The following PGAP2 variants were observed in gnomAD, a reference collection of about 807,000 sequenced individuals.
PGAP2 encodes acyltransferase PGAP2.
Under a neutral mutation model 33.2 loss-of-function variants are expected in PGAP2, and 21 were observed. That is an observed-to-expected ratio of 0.63 (90% CI 0.45 to 0.91). The LOEUF (loss-of-function observed/expected upper bound fraction) is 0.91. PGAP2 is among the 40% of genes least tolerant of loss of function. The pLI is 0.00. For synonymous variants in PGAP2, 161 were observed against 172.9 expected (o/e 0.93, Z 0.54); for missense variants, 345 against 424.0 (o/e 0.81, Z 1.64).
At chr11:3,799,660 GATTT>G (rs1350987490) in intron 1 of PGAP2, among the ~76,000 whole-genome samples, 1 of 151,998 alleles carries the variant, frequency 6.6e-6, no homozygotes, top group Non-Finnish European at 1.5e-5. Flanking sequence ...AGAGATAATT[GATTT>G]ATTTGTTTGT....
intron 2 of PGAP2, among the ~76,000 whole-genome samples, chr11:3,814,929 T>TC (rs748180746): frequency 2.0e-5 from 3 of 150,080 alleles, no homozygotes; most frequent in Admixed American, 1.3e-4. Context: ...CCTTTCCCTT[T>TC]CCTTTCCTTT....
chr11:3,822,609 A>G (rs1326681004), intron 3 of PGAP2, among the ~76,000 whole-genome samples: 1 of 152,322 alleles, frequency 6.6e-6, no homozygotes, highest in Non-Finnish European at 1.5e-5. Flanking sequence ...ACTCCAGCCT[A>G]GGCGACAGAG....
Position 3,798,117 on chromosome 11 carries a change from A to T in PGAP2, c.139+135A>T, listed in dbSNP as rs929436151. 1.3e-4 allele frequency: 184 copies of T among 1,465,174 alleles called. No homozygotes were observed. In the African/African-American group the frequency reaches 2.5e-3, roughly 20 times the overall value. The allele number at this position is 1,465,174 out of a possible 1,614,324, so 90.8% of individuals were successfully genotyped here. On this transcript the variant is annotated intron_variant, in intron 1 of 6. Coordinates refer to the PGAP2 transcript ENST00000300730. Reference sequence around the variant, plus strand: ...TCTTGGAAGGTCTGTCTGTCCAAAGAGTTTGCCCGAGGCTTCTTCAGGGCC... The same window carrying T: ...TCTTGGAAGGTCTGTCTGTCCAAAGTGTTTGCCCGAGGCTTCTTCAGGGCC...
upstream of PGAP2, among the ~76,000 whole-genome samples, chr11:3,807,668 A>C (rs2084664315): frequency 6.6e-6 from 1 of 152,096 alleles, no homozygotes; most frequent in Admixed American, 6.6e-5. Context: ...CCTGGGATAT[A>C]CTGGGTGTTC....
chr11:3,818,949 A>G (rs2087816163), intron 3 of PGAP2, among the ~76,000 whole-genome samples: 1 of 152,196 alleles, frequency 6.6e-6, no homozygotes, highest in Admixed American at 6.5e-5. Context: ...CTCTTTGTGA[A>G]TGCCAGGCCG....
intron 3 of PGAP2, among the ~76,000 whole-genome samples, chr11:3,820,159 C>A (rs2088188836): frequency 6.6e-6 from 1 of 152,134 alleles, no homozygotes. Context: ...GAAGCAGAGG[C>A]AATGCTCTGA....
chr11:3,820,573 T>C (rs1400178682), intron 3 of PGAP2, among the ~76,000 whole-genome samples: 1 of 152,070 alleles, frequency 6.6e-6, no homozygotes, highest in Non-Finnish European at 1.5e-5. Context: ...GGCAGGAGAA[T>C]TGCTTGAACC....
Position 3,825,467 on chromosome 11 carries a change from G to T in PGAP2, c.*9G>T, listed in dbSNP as rs377704337. 52 of 1,611,406 alleles carry T rather than the reference G, an allele frequency of 3.2e-5. No homozygotes were observed. Among genetic ancestry groups the T allele is most frequent in the Non-Finnish European group, 4.0e-5 (47 of 1,179,450 alleles). On this transcript the variant is annotated 3_prime_UTR_variant, in exon 7 of 7. Transcript: ENST00000278243. Reference sequence around the variant, plus strand: ...AGGAAAAGCGATTCTGAACCCTTCAGTCCTGCTTGGGAGGACGCAGCCCAC... The same window carrying T: ...AGGAAAAGCGATTCTGAACCCTTCATTCCTGCTTGGGAGGACGCAGCCCAC...
At chr11:3,822,382 A>G (rs992186097) in intron 3 of PGAP2, among the ~76,000 whole-genome samples, 1 of 151,770 alleles carries the variant, frequency 6.6e-6, no homozygotes, top group Non-Finnish European at 1.5e-5. Flanking sequence ...AAAAAAAAGC[A>G]GATTCTGGCC....
chr11:3,799,718 C>T (rs1044337877), intron 1 of PGAP2, among the ~76,000 whole-genome samples: 3 of 152,052 alleles, frequency 2.0e-5, no homozygotes, highest in African/African-American at 7.2e-5. Flanking sequence ...GCCTGTAATC[C>T]CAGCACTGGG....
At chr11:3,807,963 A>C, upstream of PGAP2, 1 of 1,011,306 alleles carries the variant, frequency 9.9e-7, no homozygotes, top group Non-Finnish European at 1.3e-6. Context: ...GGGAGACCCA[A>C]GGCTGGTGGC....
At chr11:3,821,313 G>A (rs992585780) in intron 3 of PGAP2, among the ~76,000 whole-genome samples, 4 of 152,238 alleles carry the variant, frequency 2.6e-5, no homozygotes, top group African/African-American at 9.7e-5. Context: ...CTCCACTTCC[G>A]AAGACTGTCC....
intron 1 of PGAP2, among the ~76,000 whole-genome samples, chr11:3,800,225 C>T (rs1192704026): frequency 6.6e-6 from 1 of 152,180 alleles, no homozygotes; most frequent in South Asian, 2.1e-4. Flanking sequence ...TAGATAGTTA[C>T]AGTAGCTTCA....
chr11:3,814,905 GCCCTTT>G lies in PGAP2; in HGVS notation c.166-2427_166-2422del, dbSNP rs369558503. On this transcript the variant is annotated intron_variant, in intron 2 of 6. Transcript: ENST00000278243. Reference sequence around the variant, plus strand: ...CTTTCCTTCCCTTTCCCTTTCCCTTGCCCTTTCCCTTTCCCTTTCCCTTTCCTTTCC... The same window carrying G: ...CTTTCCTTCCCTTTCCCTTTCCCTTGCCCTTTCCCTTTCCCTTTCCTTTCC... 2.6e-3 allele frequency among the ~76,000 whole-genome samples: 302 copies of G among 118,134 alleles called. 2 individuals are homozygous for G. Among genetic ancestry groups the G allele is most frequent in the Middle Eastern group, 0.013 (2 of 160 alleles). The allele number at this position is 118,134 out of a possible 152,430, so 77.5% of individuals were successfully genotyped here.
chr11:3,824,144 C>T lies in PGAP2; in HGVS notation c.601+9C>T. 1.2e-6 allele frequency: 2 copies of T among 1,613,856 alleles called. No homozygotes were observed. The highest frequency in any genetic ancestry group is 1.7e-6 in the Non-Finnish European group (2 of 1,179,814). ...CTCCTCCGAGGACTTCAGTGGGTGCCTGGATGAGGGAGGAGTGGGGAAGTG... is the reference window on the plus strand; with the variant it reads ...CTCCTCCGAGGACTTCAGTGGGTGCTTGGATGAGGGAGGAGTGGGGAAGTG... On this transcript the variant is annotated intron_variant, in intron 4 of 6. Coordinates refer to ENST00000278243, the MANE Select transcript of PGAP2 (RefSeq NM_014489.4).
At chr11:3,819,764 A>G (rs1441821661) in intron 3 of PGAP2, among the ~76,000 whole-genome samples, 1 of 152,072 alleles carries the variant, frequency 6.6e-6, no homozygotes, top group Non-Finnish European at 1.5e-5. Context: ...TTGCTGGTGC[A>G]GTCGATGAGT....
chr11:3,810,782 G>C (rs1013927036), intron 1 of PGAP2, among the ~76,000 whole-genome samples: 3 of 152,200 alleles, frequency 2.0e-5, no homozygotes, highest in Non-Finnish European at 2.9e-5. Flanking sequence ...GAGGGCCCTG[G>C]GCCAGTGGGG....
At chr11:3,797,790 G>A (rs1026986001), upstream of PGAP2, 13 of 1,542,208 alleles carry the variant, frequency 8.4e-6, no homozygotes, top group Middle Eastern at 5.0e-4. Flanking sequence ...CGCCGCCGCG[G>A]TTGGCGGGAG....
At chr11:3,815,063 G>A (rs1474944273) in intron 2 of PGAP2, among the ~76,000 whole-genome samples, 4 of 151,576 alleles carry the variant, frequency 2.6e-5, no homozygotes, top group Admixed American at 1.3e-4. Context: ...TCAGCCTCCC[G>A]AGTAGCTGAG....
Sources: allele counts gnomAD v4.1 joint callset (sites outside exome capture counted in the v4.1 genomes callset), GRCh38; gene constraint gnomAD v4.1.1; transcripts MANE v1.5; gene names NCBI Gene and HGNC (gene_info 2026-07-23, HGNC 2026-07-21).